Variants in ZNF155 observed in about 807,000 individuals in gnomAD.
ZNF155 encodes zinc finger protein 155.
A neutral mutation model predicts 11.9 loss-of-function variants in ZNF155; 15 were observed. That is an observed-to-expected ratio of 1.26 (90% confidence interval 0.84 to 1.94). The LOEUF is 1.94. Ranked by LOEUF, ZNF155 falls within the 30% of genes most tolerant of loss-of-function variation. The pLI, the probability that ZNF155 is intolerant of heterozygous loss-of-function variation, is 0.00. For synonymous variants in ZNF155, 212 were observed against 219.9 expected (o/e 0.96, Z 0.32); for missense variants, 602 against 639.1 (o/e 0.94, Z 0.63).
chr19:43,986,954 A>G (rs1260197361), intron 1 of ZNF155, among the ~76,000 whole-genome samples: 5 of 152,186 alleles, frequency 3.3e-5, no homozygotes, highest in African/African-American at 4.8e-5. Context: ...CTGTAACCAG[A>G]GACGATTGTA....
At chr19:43,991,173 C>T (rs420355) in intron 2 of ZNF155, among the ~76,000 whole-genome samples, 57,372 of 151,692 alleles carry the variant, frequency 0.38, 11,797 homozygotes, top group East Asian at 0.55. Flanking sequence ...GGTTTGAGTA[C>T]GAGAGAGGAG....
intron 4 of ZNF155, 25 bp downstream of exon 4, chr19:43,991,959 C>G (rs756282043): frequency 6.3e-7 from 1 of 1,597,324 alleles, no homozygotes; most frequent in South Asian, 1.1e-5. Flanking sequence ...TCTGTGTGTC[C>G]TTGTACCTGA....
In ZNF155 at chr19:43,996,817, A is replaced by G. The variant is rs780481589; in HGVS notation, c.960A>G (p.Thr320=). Residue 320 remains threonine (T), a synonymous_variant, in exon 5 of 5, where the codon ACA becomes ACG. Coordinates refer to ENST00000270014, the MANE Select transcript of ZNF155 (RefSeq NM_198089.3). The part of the protein sequence containing the change: ...HTGEKPFRCD[T]CDKSFHQRSA... ...GAGAAAAACCATTTAGGTGTGATAC[A>G]TGTGATAAGAGCTTTCATCAGAGAT... 17 of 1,614,098 alleles carry G rather than the reference A, an allele frequency of 1.1e-5. No individual in the cohort carries two copies. In the South Asian group the frequency reaches 1.9e-4, roughly 18 times the overall value.
chr19:43,994,126 A>G (rs1157533494), intron 4 of ZNF155, among the ~76,000 whole-genome samples: 1 of 152,208 alleles, frequency 6.6e-6, no homozygotes, highest in Non-Finnish European at 1.5e-5. Context: ...AAAAAGTTAT[A>G]AAGTCCTATT....
At chr19:43,995,546 G>A (rs1975819678) in intron 4 of ZNF155, among the ~76,000 whole-genome samples, 1 of 151,684 alleles carries the variant, frequency 6.6e-6, no homozygotes, top group Non-Finnish European at 1.5e-5. Context: ...ACCACACCTG[G>A]CTAATTTATG....
Position 43,997,397 on chromosome 19 carries a change from T to C in ZNF155, c.1540T>C (p.Cys514Arg). The part of the protein sequence containing the change: ...RDYSGENPSK[C>R]EDCGRRYKRR... ...CTATAGTGGGGAAAACCCATCCAAA[T>C]GTGAGGATTGTGGGAGACGCTACAA... is the stretch of plus-strand genomic sequence containing the variant. The change falls in exon 5 of 5, where the codon TGT (cysteine) becomes CGT (arginine). Residue 514 changes from cysteine to arginine, a missense_variant. By Grantham distance (180) the Cys-to-Arg change is radical. Coordinates refer to ENST00000270014, the MANE Select transcript of ZNF155 (RefSeq NM_198089.3). 1 of 1,613,574 alleles carries C rather than the reference T, an allele frequency of 6.2e-7. No individual in the cohort carries two copies.
chr19:43,990,076 A>G, intron 2 of ZNF155: 2 of 1,522,974 alleles, frequency 1.3e-6, no homozygotes, highest in Non-Finnish European at 1.7e-6. Context: ...TGATAAAGAG[A>G]AGCAAAGTAC....
Position 43,997,175 on chromosome 19 carries a change from A to C in ZNF155, c.1318A>C (p.Lys440Gln). The change falls in exon 5 of 5, where the codon AAG (lysine) becomes CAG (glutamine). Residue 440 changes from lysine to glutamine, a missense_variant. Coordinates refer to ENST00000270014, the MANE Select transcript of ZNF155 (RefSeq NM_198089.3). ...CEECGKGYVT[K>Q]FNLDLHQRVH... ...GGAGTGTGGGAAGGGCTATGTTACT[A>C]AGTTTAATCTTGACTTGCACCAGAG... The C allele has an allele frequency of 6.2e-7, 1 of 1,614,190 alleles. No individual in the cohort carries two copies. Among genetic ancestry groups the C allele is most frequent in the Admixed American group, 1.7e-5 (1 of 60,026 alleles).
chr19:43,988,415 C>T (rs561956931), intron 1 of ZNF155, 44 bp from the exon 2 acceptor site: 34 of 932,930 alleles, frequency 3.6e-5, no homozygotes, highest in South Asian at 5.0e-5. Context: ...CTGCTGTGAT[C>T]ATTCATGGGC....
At chr19:43,993,296 T>A (rs1975726899) in intron 4 of ZNF155, among the ~76,000 whole-genome samples, 1 of 152,234 alleles carries the variant, frequency 6.6e-6, no homozygotes, top group African/African-American at 2.4e-5. Context: ...TTCTTGATTT[T>A]TATAGATTTA....
chr19:43,987,892 T>A (rs2147375868), intron 1 of ZNF155, among the ~76,000 whole-genome samples: 1 of 152,370 alleles, frequency 6.6e-6, no homozygotes, highest in East Asian at 1.9e-4. Flanking sequence ...TACAATTCAG[T>A]GATCTTCAGG....
At position 43,990,234 on chromosome 19, in the gene ZNF155, T is replaced by G. The variant is rs924792017; in HGVS notation, c.16-1314T>G. On this transcript the variant is annotated intron_variant, in intron 2 of 4. Transcript: ENST00000270014. ...TTTAAACAATGAGAGAGTAAGATGTTCTTACATCTTGCTACATCATTACTT... is the reference window on the plus strand; with the variant it reads ...TTTAAACAATGAGAGAGTAAGATGTGCTTACATCTTGCTACATCATTACTT... 1.9e-5 allele frequency: 11 copies of G among 587,540 alleles called. No homozygotes were observed. The African/African-American group carries it at 2.1e-4, about 11-fold the overall frequency. 36.4% of individuals were successfully genotyped at this position (587,540 alleles called of 1,614,324 possible). A position where few individuals can be genotyped will look rare whatever the true frequency, so the allele number is the denominator to read the frequency against.
At chr19:43,986,353 T>C (rs1975441384) in intron 1 of ZNF155, among the ~76,000 whole-genome samples, 1 of 152,174 alleles carries the variant, frequency 6.6e-6, no homozygotes, top group African/African-American at 2.4e-5. Context: ...TTTCCCATAT[T>C]TCTTTAACTA....
At chr19:43,990,964 A>G (rs1289361994) in intron 2 of ZNF155, among the ~76,000 whole-genome samples, 1 of 152,052 alleles carries the variant, frequency 6.6e-6, no homozygotes, top group African/African-American at 2.4e-5. Context: ...GGGCAATACG[A>G]CTTACTGGGC....
At chr19:43,985,722 A>T (rs1975418378) in intron 1 of ZNF155, among the ~76,000 whole-genome samples, 1 of 151,704 alleles carries the variant, frequency 6.6e-6, no homozygotes, top group Non-Finnish European at 1.5e-5. Flanking sequence ...TTGTATTTTT[A>T]GTAAAGATGG....
chr19:43,987,318 C>G lies in ZNF155; in HGVS notation c.-85-1141C>G, dbSNP rs557022246. Among the ~76,000 whole-genome samples the G allele has an allele frequency of 2.1e-4, 32 of 152,232 alleles. No homozygotes were observed. In the South Asian group the frequency reaches 6.6e-3, roughly 32 times the overall value. On this transcript the variant is annotated intron_variant, in intron 1 of 4. Coordinates refer to ENST00000270014, the MANE Select transcript of ZNF155 (RefSeq NM_198089.3). ...TCTAATTATATGCATTGTGTTTACT[C>G]GTCACATTTCTGTCTTCTTTAATCT...
chr19:43,997,337 G>C lies in ZNF155; in HGVS notation c.1480G>C (p.Val494Leu). The part of the protein sequence containing the change: ...FKCEDCGKRL[V>L]HRTYRKDQPR... The stretch of plus-strand genomic sequence containing the variant: ...ATGTGAGGACTGTGGAAAGAGGCTT[G>C]TACACAGGACATACCGTAAAGACCA... The change falls in exon 5 of 5, where the codon GTA (valine) becomes CTA (leucine). Residue 494 changes from valine to leucine, a missense_variant. By Grantham distance (32) the Val-to-Leu change is conservative. Coordinates refer to ENST00000270014, the MANE Select transcript of ZNF155 (RefSeq NM_198089.3). The C allele has an allele frequency of 1.2e-6, 2 of 1,613,786 alleles. No homozygotes were observed. The highest frequency in any genetic ancestry group is 1.7e-6 in the Non-Finnish European group (2 of 1,179,782).
At chr19:43,985,026 T>A (rs1288357626) in intron 1 of ZNF155, among the ~76,000 whole-genome samples, 4 of 152,186 alleles carry the variant, frequency 2.6e-5, no homozygotes, top group Admixed American at 6.5e-5. Flanking sequence ...TTTCTCTTTT[T>A]AAAAAAAAGT....
intron 2 of ZNF155, among the ~76,000 whole-genome samples, chr19:43,990,269 C>T (rs907402845): frequency 1.3e-5 from 2 of 152,088 alleles, no homozygotes; most frequent in African/African-American, 4.8e-5. Context: ...TAATGATGCT[C>T]TTTACAGGAT....
Sources: gnomAD v4.1 joint callset for allele counts (sites outside exome capture counted in the v4.1 genomes callset) on GRCh38, gnomAD v4.1.1 for gene constraint, MANE v1.5 for transcripts, NCBI Gene and HGNC (gene_info 2026-07-23, HGNC 2026-07-21) for gene names.